Variants in SATB1 observed in about 807,000 individuals in gnomAD.
The protein encoded by SATB1 is DNA-binding protein SATB1.
A neutral mutation model predicts 86.9 loss-of-function variants in SATB1; 11 were observed. That is an observed-to-expected ratio of 0.13 (90% CI 0.08 to 0.21). SATB1 has a LOEUF of 0.21. Ranked by LOEUF, SATB1 falls within the 10% of genes least tolerant of loss-of-function variation. SATB1 has a pLI of 1.00. For missense variants in SATB1, 551 were observed against 937.6 expected (o/e 0.59, Z 5.39); for synonymous variants, 357 against 357.2 (o/e 1.00, Z 0.01).
At chr3:18,395,005 T>A in intron 6 of SATB1, 89 bp from the exon 7 acceptor site, 1 of 1,075,966 alleles carries the variant, frequency 9.3e-7, no homozygotes, top group Non-Finnish European at 1.3e-6. Flanking sequence ...TAAAAAAGGG[T>A]AGGCACAGGG....
At chr3:18,442,808 C>T (rs1559471929), upstream of SATB1, among the ~76,000 whole-genome samples, 1 of 152,174 alleles carries the variant, frequency 6.6e-6, no homozygotes, top group Non-Finnish European at 1.5e-5. Flanking sequence ...TTTAAGATGC[C>T]TATTCATGCT....
Position 18,349,448 on chromosome 3 carries a change from C to T in SATB1, c.2014G>A (p.Glu672Lys). ...FIQDVGLYPDEEAIQTLSAQL... is the reference protein window; with the variant it reads ...FIQDVGLYPDKEAIQTLSAQL... Reference sequence around the variant, plus strand: ...GCAGACAGAGTCTGGATGGCCTCTTCGTCAGGGTACAGGCCCACGTCTTGT... The same window carrying T: ...GCAGACAGAGTCTGGATGGCCTCTTTGTCAGGGTACAGGCCCACGTCTTGT... Residue 672 changes from glutamate (E) to lysine (K), a missense_variant, in exon 11 of 11, where the codon GAA becomes AAA. Transcript: ENST00000338745. The surrounding 1 kb of genome is among the most constrained non-coding windows in gnomAD (Gnocchi z 5.5). The T allele has an allele frequency of 1.9e-6, 3 of 1,614,218 alleles. No homozygotes were observed. The highest frequency in any genetic ancestry group is 2.5e-6 in the Non-Finnish European group (3 of 1,180,042).
intron 1 of SATB1, among the ~76,000 whole-genome samples, chr3:18,421,856 A>C (rs575146962): frequency 3.3e-5 from 5 of 151,870 alleles, no homozygotes; most frequent in East Asian, 3.9e-4. Context: ...AAAAAAAAAA[A>C]ACACAAACAA....
chr3:18,415,031 T>A, intron 5 of SATB1, 80 bp downstream of exon 5: 1 of 1,540,740 alleles, frequency 6.5e-7, no homozygotes, highest in South Asian at 1.2e-5. Context: ...ACCAGTTGCT[T>A]TAAACCAGGG....
At chr3:18,422,869 G>T (rs1698463229) in intron 1 of SATB1, among the ~76,000 whole-genome samples, 1 of 152,130 alleles carries the variant, frequency 6.6e-6, no homozygotes, top group Admixed American at 6.5e-5. Flanking sequence ...ACTAGAAACT[G>T]TACAGCAAAT....
rs1694211555 is a variant in SATB1, at chr3:18,349,137, G to C, written c.*33C>G. 2.5e-6 allele frequency: 4 copies of C among 1,599,574 alleles called. No individual in the cohort carries two copies. The highest frequency in any genetic ancestry group is 3.4e-6 in the Non-Finnish European group (4 of 1,171,906). ...CTTTTCATTTTGTTAGTAAATACCA[G>C]TGGCACTGTTGAACGAAACAAATAC... On this transcript the variant is annotated 3_prime_UTR_variant, in exon 11 of 11. Coordinates refer to ENST00000338745, the MANE Select transcript of SATB1 (RefSeq NM_002971.6). The surrounding 1 kb of genome is among the most constrained non-coding windows in gnomAD (Gnocchi z 5.5).
intron 9 of SATB1, among the ~76,000 whole-genome samples, chr3:18,357,963 A>G (rs969685160): frequency 2.0e-5 from 3 of 152,038 alleles, no homozygotes; most frequent in East Asian, 1.9e-4. Flanking sequence ...ATGAAGAATC[A>G]TAACACTGTG....
chr3:18,406,306 T>C (rs1482439746), intron 5 of SATB1, among the ~76,000 whole-genome samples: 1 of 152,028 alleles, frequency 6.6e-6, no homozygotes, highest in African/African-American at 2.4e-5. Flanking sequence ...GAATGGACGC[T>C]GGAAGTGAAC....
At chr3:18,408,450 A>T (rs1697660603) in intron 5 of SATB1, among the ~76,000 whole-genome samples, 1 of 152,046 alleles carries the variant, frequency 6.6e-6, no homozygotes. Context: ...GAATCATTTT[A>T]AAAATGCTAA....
In SATB1 at chr3:18,352,256, T is replaced by C. The variant is rs1694402604; in HGVS notation, c.1576-61A>G. 6.8e-7 allele frequency: 1 copy of C among 1,470,610 alleles called. No homozygotes were observed. Among genetic ancestry groups the C allele is most frequent in the Non-Finnish European group, 9.5e-7 (1 of 1,056,584 alleles). 91.1% of individuals were successfully genotyped at this position (1,470,610 alleles called of 1,614,324 possible). A position where few individuals can be genotyped will look rare whatever the true frequency, so the allele number is the denominator to read the frequency against. ...TATGAGAGGGGCTGGCATTTTCCAT[T>C]AGGAGCTAAAAAGGAAAAACCCTAT... is the stretch of plus-strand genomic sequence containing the variant. On this transcript the variant is annotated intron_variant, in intron 9 of 10. Transcript: ENST00000338745. This position sits in a 1 kb window ranked among gnomAD's most constrained non-coding sequence, Gnocchi z 4.1.
At position 18,444,547 on chromosome 3, in the gene SATB1, G is replaced by A. The variant is rs1017526334; in HGVS notation, c.-25+971C>T. ...TTTGGATTGATTCCGGAAAAAGAGG[G>A]ACAGAGATAAAACAGCAAGAGTAGC... is the stretch of plus-strand genomic sequence containing the variant. On this transcript the variant is annotated intron_variant, in intron 1 of 3. Coordinates refer to the SATB1 transcript ENST00000415069. The surrounding 1 kb of genome is among the most constrained non-coding windows in gnomAD (Gnocchi z 5.1). 7 of 977,296 alleles carry A rather than the reference G, an allele frequency of 7.2e-6. No homozygotes were observed. The highest frequency in any genetic ancestry group is 8.5e-6 in the Non-Finnish European group (7 of 822,666). The allele number at this position is 977,296 out of a possible 1,614,324, so 60.5% of individuals were successfully genotyped here. A position where few individuals can be genotyped will look rare whatever the true frequency, so the allele number is the denominator to read the frequency against.
intron 2 of SATB1, among the ~76,000 whole-genome samples, chr3:18,435,557 C>T (rs1197508574): frequency 6.6e-6 from 1 of 151,952 alleles, no homozygotes; most frequent in Non-Finnish European, 1.5e-5. Context: ...CACCAGGTGA[C>T]CAAAAGCAAA....
chr3:18,376,468 G>GA (rs879659995), intron 9 of SATB1, among the ~76,000 whole-genome samples: 52 of 139,404 alleles, frequency 3.7e-4, no homozygotes, highest in Non-Finnish European at 5.2e-4. Flanking sequence ...GGACAGGTCA[G>GA]AAAAAAAAAT....
chr3:18,423,064 G>T (rs1049703204), intron 1 of SATB1, among the ~76,000 whole-genome samples: 2 of 152,050 alleles, frequency 1.3e-5, no homozygotes, highest in East Asian at 3.9e-4. Flanking sequence ...TTAACTCTAT[G>T]CCCGGGCTAA....
intron 10 of SATB1, 187 bp downstream of exon 10, chr3:18,351,805 G>C: frequency 1.6e-6 from 1 of 608,486 alleles, no homozygotes; most frequent in Non-Finnish European, 2.9e-6. Flanking sequence ...AGAGGAACAC[G>C]ATACATACGC....
Position 18,366,134 on chromosome 3 carries a change from C to A in SATB1, c.1575+12036G>T, listed in dbSNP as rs531509173. On this transcript the variant is annotated intron_variant, in intron 9 of 10. Transcript: ENST00000338745. The stretch of plus-strand genomic sequence containing the variant: ...ATGACAAGCAGCACTCCTGTTGGTA[C>A]CATAAGTAAAATGGGTAAACATTTA... Among the ~76,000 whole-genome samples, 7 of 152,268 alleles carry A rather than the reference C, an allele frequency of 4.6e-5. No homozygotes were observed. The South Asian group carries it at 8.3e-4, about 18-fold the overall frequency.
chr3:18,364,221 C>T (rs1359907018), intron 9 of SATB1, among the ~76,000 whole-genome samples: 1 of 151,992 alleles, frequency 6.6e-6, no homozygotes, highest in Non-Finnish European at 1.5e-5. Flanking sequence ...CCCATGGATG[C>T]CTTTTCAGAA....
chr3:18,389,396 T>C (rs1696517430), intron 7 of SATB1, among the ~76,000 whole-genome samples: 1 of 151,998 alleles, frequency 6.6e-6, no homozygotes, highest in African/African-American at 2.4e-5. Context: ...TAGAATAATT[T>C]TGGATGCAAA....
intron 9 of SATB1, among the ~76,000 whole-genome samples, chr3:18,356,189 G>A (rs1694623792): frequency 6.6e-6 from 1 of 151,800 alleles, no homozygotes; most frequent in African/African-American, 2.4e-5. Context: ...CACAAATCCT[G>A]CAAAGTTATG....
Sources: allele counts gnomAD v4.1 joint callset (sites outside exome capture counted in the v4.1 genomes callset), GRCh38; gene constraint gnomAD v4.1.1; non-coding constraint Gnocchi (gnomAD v3.1); transcripts MANE v1.5; gene names NCBI Gene and HGNC (gene_info 2026-07-23, HGNC 2026-07-21).